The following CD44 variants were observed in gnomAD, a reference collection of about 807,000 sequenced individuals.
CD44 encodes the protein CD44 antigen.
Under a neutral mutation model 88.8 loss-of-function variants are expected in CD44, and 49 were observed. The ratio of observed to expected loss-of-function variants is 0.55; its 90% CI spans 0.44 to 0.70. The LOEUF (loss-of-function observed/expected upper bound fraction) is 0.70, where lower values mean the gene tolerates loss of function less well. CD44 is among the 30% of genes least tolerant of loss of function. The pLI is 0.00. For missense variants in CD44, 883 were observed against 913.8 expected (o/e 0.97, Z 0.43); for synonymous variants, 325 against 312.3 (o/e 1.04, Z -0.43).
chr11:35,215,453 G>A (rs1410390542), intron 15 of CD44, among the ~76,000 whole-genome samples: 1 of 152,194 alleles, frequency 6.6e-6, no homozygotes, highest in Non-Finnish European at 1.5e-5. Context: ...TACATGTAAA[G>A]CATTTAGCAT....
chr11:35,148,982 T>G (rs746978258), intron 1 of CD44, among the ~76,000 whole-genome samples: 1 of 152,236 alleles, frequency 6.6e-6, no homozygotes, highest in Non-Finnish European at 1.5e-5. Context: ...CTGCACTCTC[T>G]TCAGTCTAAA....
In CD44 at chr11:35,229,466, CTT is replaced by C. The variant is rs1161958643; in HGVS notation, c.*137_*138del. The C allele has an allele frequency of 3.5e-5, 22 of 625,036 alleles. No individual in the cohort carries two copies. In the East Asian group the frequency reaches 5.4e-4, roughly 15 times the overall value. 38.7% of individuals were successfully genotyped at this position (625,036 alleles called of 1,614,324 possible). ...CTTTTTTAGCATAAAATTTTCTACT[CTT>C]TTTGTTTTTTGTGTTTTGTTCTTTA... is the stretch of plus-strand genomic sequence containing the variant. On this transcript the variant is annotated 3_prime_UTR_variant, in exon 18 of 18. Transcript: ENST00000428726.
intron 14 of CD44, among the ~76,000 whole-genome samples, chr11:35,213,055 C>T (rs1211413435): frequency 6.6e-6 from 1 of 151,456 alleles, no homozygotes; most frequent in African/African-American, 2.4e-5. Flanking sequence ...AACTCCTGAC[C>T]TCAAGTGATC....
At chr11:35,219,508 A>C in intron 16 of CD44, 121 bp downstream of exon 16, 4 of 708,278 alleles carry the variant, frequency 5.6e-6, no homozygotes, top group Non-Finnish European at 7.6e-6. Flanking sequence ...TATGAATCCA[A>C]TTGCTCCTCT....
At chr11:35,217,491 G>A (rs1420028270) in intron 15 of CD44, among the ~76,000 whole-genome samples, 1 of 152,210 alleles carries the variant, frequency 6.6e-6, no homozygotes, top group Non-Finnish European at 1.5e-5. Flanking sequence ...GACACTGGAA[G>A]GCATGTAGGG....
At chr11:35,142,688 C>G (rs1395174307) in intron 1 of CD44, among the ~76,000 whole-genome samples, 2 of 152,226 alleles carry the variant, frequency 1.3e-5, no homozygotes, top group Non-Finnish European at 2.9e-5. Context: ...CATCTACTTG[C>G]TGCAAAGGCA....
chr11:35,141,855 G>A (rs2785172), intron 1 of CD44, among the ~76,000 whole-genome samples: 97,338 of 152,008 alleles, frequency 0.64, 31,518 homozygotes, highest in South Asian at 0.77. Flanking sequence ...GCATGGTGTG[G>A]GTGGCGAAGG....
At chr11:35,208,534 T>G (rs951994811) in intron 12 of CD44, among the ~76,000 whole-genome samples, 2 of 152,246 alleles carry the variant, frequency 1.3e-5, no homozygotes, top group African/African-American at 4.8e-5. Context: ...ATGTTTTAAC[T>G]GACCATTTCC....
intron 1 of CD44, among the ~76,000 whole-genome samples, chr11:35,149,916 C>T (rs1859977514): frequency 6.6e-6 from 1 of 152,214 alleles, no homozygotes; most frequent in South Asian, 2.1e-4. Flanking sequence ...CGTAGTACTT[C>T]ATAGAATCCT....
intron 1 of CD44, among the ~76,000 whole-genome samples, chr11:35,148,135 G>A (rs181237125): frequency 2.7e-4 from 41 of 151,508 alleles, no homozygotes; most frequent in African/African-American, 9.9e-4. Context: ...ATTCCATGCA[G>A]CCAACACCTG....
At position 35,198,437 on chromosome 11, in the gene CD44, C is replaced by T. The variant is rs925670416; in HGVS notation, c.922+191C>T. 9 of 531,252 alleles carry T rather than the reference C, an allele frequency of 1.7e-5. No individual in the cohort carries two copies. In the African/African-American group the frequency reaches 1.7e-4, roughly 10 times the overall value. 32.9% of individuals were successfully genotyped at this position (531,252 alleles called of 1,614,324 possible). On this transcript the variant is annotated intron_variant, in intron 7 of 17. Transcript: ENST00000428726. Reference sequence around the variant, plus strand: ...GTTTTGAGAAGTGGGGAAAATATCTCACAAAATTTCTCTTGTCTCATGTTC... The same window carrying T: ...GTTTTGAGAAGTGGGGAAAATATCTTACAAAATTTCTCTTGTCTCATGTTC...
At chr11:35,178,303 A>G (rs1944660737) in intron 2 of CD44, among the ~76,000 whole-genome samples, 1 of 152,260 alleles carries the variant, frequency 6.6e-6, no homozygotes, top group African/African-American at 2.4e-5. Flanking sequence ...CCACTGGCCA[A>G]TCATCAAGCA....
chr11:35,181,894 A>AAT (rs1200794424), intron 3 of CD44, among the ~76,000 whole-genome samples: 3 of 71,988 alleles, frequency 4.2e-5, no homozygotes, highest in South Asian at 6.8e-4. Flanking sequence ...TTCTATATAT[A>AAT]ATATAATATA....
intron 1 of CD44, among the ~76,000 whole-genome samples, chr11:35,154,471 A>AAACATC (rs1941591804): frequency 6.6e-6 from 1 of 152,268 alleles, no homozygotes; most frequent in Non-Finnish European, 1.5e-5. Flanking sequence ...ACAAAAACAA[A>AAACATC]AACATCATTT....
intron 12 of CD44, 25 bp downstream of exon 12, chr11:35,208,231 T>C (rs1948077023): frequency 1.4e-6 from 2 of 1,427,974 alleles, no homozygotes; most frequent in Non-Finnish European, 2.0e-6. Flanking sequence ...GCTCAGCCAC[T>C]TTATTGACTT....
intron 5 of CD44, among the ~76,000 whole-genome samples, chr11:35,191,229 C>T (rs1308103631): frequency 6.6e-6 from 1 of 152,166 alleles, no homozygotes; most frequent in Non-Finnish European, 1.5e-5. Flanking sequence ...ACCCAGAAGC[C>T]AGGGAAACCC....
At position 35,175,860 on chromosome 11, in the gene CD44, T is replaced by C. The variant is rs1401866914; in HGVS notation, c.68-715T>C. Among the ~76,000 whole-genome samples, 3 of 146,662 alleles carry C rather than the reference T, an allele frequency of 2.0e-5. No homozygotes were observed. In the Admixed American group the frequency reaches 2.0e-4, roughly 10 times the overall value. ...AAGTTTATTTGGCTTTTTGTTTGTTTGTTCTTTTTTTTTTTTTTTTTTTGA... is the reference window on the plus strand; with the variant it reads ...AAGTTTATTTGGCTTTTTGTTTGTTCGTTCTTTTTTTTTTTTTTTTTTTGA... On this transcript the variant is annotated intron_variant, in intron 1 of 17. Coordinates refer to ENST00000428726, the MANE Select transcript of CD44 (RefSeq NM_000610.4).
At chr11:35,182,995 G>T (rs535122478) in intron 3 of CD44, among the ~76,000 whole-genome samples, 1 of 152,122 alleles carries the variant, frequency 6.6e-6, no homozygotes, top group East Asian at 1.9e-4. Context: ...TTGTTCATGA[G>T]GTTGGGCCCA....
chr11:35,157,209 T>C (rs1012276969), intron 1 of CD44, among the ~76,000 whole-genome samples: 1 of 152,162 alleles, frequency 6.6e-6, no homozygotes, highest in Non-Finnish European at 1.5e-5. Context: ...CACTTCAGTA[T>C]TGGGGTGATT....
Sources: allele counts gnomAD v4.1 joint callset (sites outside exome capture counted in the v4.1 genomes callset), GRCh38; gene constraint gnomAD v4.1.1; transcripts MANE v1.5; gene names NCBI Gene and HGNC (gene_info 2026-07-23, HGNC 2026-07-21).